Variants in GAD2 observed in about 807,000 individuals in gnomAD.
The protein encoded by GAD2 is glutamate decarboxylase 2.
GAD2 carries 22 observed loss-of-function variants against 80.1 expected under a neutral mutation model. The ratio of observed to expected loss-of-function variants is 0.27; its 90% CI spans 0.20 to 0.39. GAD2 has a LOEUF of 0.39. Ranked by LOEUF, GAD2 falls within the 10% of genes least tolerant of loss-of-function variation. GAD2 has a pLI of 1.00. For synonymous variants in GAD2, 274 were observed against 256.9 expected, an observed-to-expected ratio of 1.07 and a Z score of -0.64; for missense variants, 624 against 738.4, an observed-to-expected ratio of 0.85 and a Z score of 1.80.
intron 6 of GAD2, among the ~76,000 whole-genome samples, 167 bp from the exon 7 acceptor site, chr10:26,229,495 C>T (rs1485938806): frequency 1.3e-5 from 2 of 152,102 alleles, no homozygotes; most frequent in African/African-American, 4.8e-5. Flanking sequence ...TCCCCATGTG[C>T]CCTCTGGGGT....
chr10:26,216,942 C>T lies in GAD2; in HGVS notation c.76+57C>T. The stretch of plus-strand genomic sequence containing the variant: ...GAGTTTTGCGGTGGTCTGGGGTTTG[C>T]GGAACTACGGAGAAGACGAAGGAGG... On this transcript the variant is annotated intron_variant, in intron 1 of 15. Coordinates refer to ENST00000376261, the MANE Select transcript of GAD2 (RefSeq NM_001134366.2). The surrounding 1 kb of genome is among the most constrained non-coding windows in gnomAD (Gnocchi z 4.7). The T allele has an allele frequency of 1.4e-6, 2 of 1,433,616 alleles. No individual in the cohort carries two copies. The highest frequency in any genetic ancestry group is 2.4e-5 in the East Asian group (1 of 41,770). 88.8% of individuals were successfully genotyped at this position (1,433,616 alleles called of 1,614,324 possible).
Position 26,302,095 on chromosome 10 carries a change from A to G in GAD2, c.*1134A>G, listed in dbSNP as rs1834334528. The G allele has an allele frequency of 6.6e-6, 1 of 152,188 alleles. No homozygotes were observed. Among genetic ancestry groups the G allele is most frequent in the Admixed American group, 6.5e-5 (1 of 15,276 alleles). The allele number at this position is 152,188 out of a possible 1,614,324, so 9.4% of individuals were successfully genotyped here. A position where few individuals can be genotyped will look rare whatever the true frequency, so the allele number is the denominator to read the frequency against. Reference sequence around the variant, plus strand: ...TGGGAGAAGAGATCTCTGTGGGACAATAATGACATCATCCTGGCGCCATAT... The same window carrying G: ...TGGGAGAAGAGATCTCTGTGGGACAGTAATGACATCATCCTGGCGCCATAT... On this transcript the variant is annotated 3_prime_UTR_variant, in exon 16 of 16. Coordinates refer to ENST00000376261, the MANE Select transcript of GAD2 (RefSeq NM_001134366.2).
At chr10:26,233,554 G>T (rs1043401443) in intron 7 of GAD2, among the ~76,000 whole-genome samples, 3 of 152,122 alleles carry the variant, frequency 2.0e-5, no homozygotes, top group Non-Finnish European at 2.9e-5. Flanking sequence ...GATCCCCATC[G>T]CTAGTTCCTT....
At chr10:26,257,879 C>T (rs1332577386) in intron 8 of GAD2, among the ~76,000 whole-genome samples, 2 of 152,200 alleles carry the variant, frequency 1.3e-5, no homozygotes, top group Admixed American at 1.3e-4. Flanking sequence ...TGCTAATTAA[C>T]TCTTTCGGGT....
chr10:26,226,470 A>G (rs1844524477), intron 6 of GAD2, among the ~76,000 whole-genome samples: 1 of 152,192 alleles, frequency 6.6e-6, no homozygotes, highest in Admixed American at 6.5e-5. Flanking sequence ...AGACATTGCA[A>G]AGTTGGGAGG....
rs191567209 is a variant in GAD2, at chr10:26,253,018, C to T, written c.920+7018C>T. On this transcript the variant is annotated intron_variant, in intron 8 of 15. Transcript: ENST00000376261. Reference sequence around the variant, plus strand: ...TTGGGTGACAGTTCAAAGTGAAACACGGTTCTCAGTTAAAACAAAAAAAAA... The same window carrying T: ...TTGGGTGACAGTTCAAAGTGAAACATGGTTCTCAGTTAAAACAAAAAAAAA... Among the ~76,000 whole-genome samples, 339 of 151,812 alleles carry T rather than the reference C, an allele frequency of 2.2e-3. 1 individual carries two copies. Among genetic ancestry groups the T allele is most frequent in the Non-Finnish European group, 2.2e-3 (149 of 67,948 alleles).
At chr10:26,270,576 A>C in intron 9 of GAD2, 64 bp from the exon 10 acceptor site, 1 of 1,168,488 alleles carries the variant, frequency 8.6e-7, no homozygotes, top group South Asian at 1.2e-5. Context: ...ATTGCTTTGA[A>C]TCAGCTTTTT....
chr10:26,258,558 C>A (rs1295628537), intron 8 of GAD2, among the ~76,000 whole-genome samples: 1 of 152,112 alleles, frequency 6.6e-6, no homozygotes, highest in African/African-American at 2.4e-5. Flanking sequence ...CCCCACTATC[C>A]CCAGGAAACG....
In GAD2 at chr10:26,266,448, A is replaced by G. The variant is rs1845075076; in HGVS notation, c.921-2671A>G. Among the ~76,000 whole-genome samples the G allele has an allele frequency of 2.0e-5, 3 of 152,252 alleles. No individual in the cohort carries two copies. In the South Asian group the frequency reaches 6.2e-4, roughly 31 times the overall value. The stretch of plus-strand genomic sequence containing the variant: ...AAGTTTCCTCCCCCAAGGCGTCCAT[A>G]TTCACTATCTGGTCAGACATTAAGT... On this transcript the variant is annotated intron_variant, in intron 8 of 15. Coordinates refer to ENST00000376261, the MANE Select transcript of GAD2 (RefSeq NM_001134366.2).
chr10:26,220,664 T>C (rs1337569187), intron 4 of GAD2, among the ~76,000 whole-genome samples: 1 of 152,204 alleles, frequency 6.6e-6, no homozygotes, highest in East Asian at 1.9e-4. Flanking sequence ...ATGCTTTTAA[T>C]TCATTTTTTG....
chr10:26,232,525 A>G (rs1589138967), intron 7 of GAD2, among the ~76,000 whole-genome samples: 1 of 125,960 alleles, frequency 7.9e-6, no homozygotes, highest in African/African-American at 3.1e-5. Context: ...CCCAGGCTGG[A>G]GTGCTGTGGC....
intron 8 of GAD2, 122 bp downstream of exon 8, chr10:26,246,122 G>T: frequency 1.4e-6 from 1 of 696,584 alleles, no homozygotes; most frequent in Admixed American, 2.8e-5. Context: ...CCCAGCCTCT[G>T]CAGCCTTCGT....
intron 8 of GAD2, among the ~76,000 whole-genome samples, chr10:26,259,314 G>A (rs1463056198): frequency 6.6e-6 from 1 of 152,082 alleles, no homozygotes; most frequent in African/African-American, 2.4e-5. Flanking sequence ...TTACATTCCT[G>A]CCAGCAGTAC....
chr10:26,218,055 C>A lies in GAD2; in HGVS notation c.286+64C>A, dbSNP rs1014360676. 3.5e-5 allele frequency: 52 copies of A among 1,497,508 alleles called. No homozygotes were observed. In the African/African-American group the frequency reaches 6.5e-4, roughly 19 times the overall value. The allele number at this position is 1,497,508 out of a possible 1,614,324, so 92.8% of individuals were successfully genotyped here. A position where few individuals can be genotyped will look rare whatever the true frequency, so the allele number is the denominator to read the frequency against. ...CTCTCTCTGCCCCGCCCACCGCGGC[C>A]GGTGCGGGTCCGGCGCTGAGAGCCG... On this transcript the variant is annotated intron_variant, in intron 3 of 15. Transcript: ENST00000376261.
chr10:26,227,634 G>A (rs892297961), intron 6 of GAD2, among the ~76,000 whole-genome samples: 5 of 152,204 alleles, frequency 3.3e-5, no homozygotes, highest in Non-Finnish European at 7.3e-5. Flanking sequence ...TTGATTGTCT[G>A]GGGGAGAGGG....
At chr10:26,261,899 A>C (rs897000269) in intron 8 of GAD2, among the ~76,000 whole-genome samples, 1 of 152,210 alleles carries the variant, frequency 6.6e-6, no homozygotes, top group African/African-American at 2.4e-5. Context: ...TCTATTGATA[A>C]GATGAGTTGT....
At chr10:26,235,966 T>A (rs1436350719) in intron 7 of GAD2, among the ~76,000 whole-genome samples, 1 of 152,176 alleles carries the variant, frequency 6.6e-6, no homozygotes, top group East Asian at 1.9e-4. Flanking sequence ...TTTAGGCAAA[T>A]CACCGTAACT....
chr10:26,268,204 T>A (rs943770596), intron 8 of GAD2, among the ~76,000 whole-genome samples: 2 of 152,172 alleles, frequency 1.3e-5, no homozygotes, highest in Non-Finnish European at 2.9e-5. Flanking sequence ...CACGGTGGCT[T>A]ACGCCTGTAA....
chr10:26,225,152 G>A (rs2132272874), intron 6 of GAD2, among the ~76,000 whole-genome samples: 1 of 152,332 alleles, frequency 6.6e-6, no homozygotes, highest in African/African-American at 2.4e-5. Flanking sequence ...GGAGGACAGA[G>A]AACGCTTTGG....
Sources: allele counts gnomAD v4.1 joint callset (sites outside exome capture counted in the v4.1 genomes callset), GRCh38; gene constraint gnomAD v4.1.1; non-coding constraint Gnocchi (gnomAD v3.1); transcripts MANE v1.5; gene names NCBI Gene and HGNC (gene_info 2026-07-23, HGNC 2026-07-21).